The following ATP6V1C2 variants were observed in gnomAD, a reference collection of about 807,000 sequenced individuals.
ATP6V1C2 encodes V-type proton ATPase subunit C 2.
ATP6V1C2 carries 45 observed loss-of-function variants against 56.8 expected under a neutral mutation model. The ratio of observed to expected loss-of-function variants is 0.79; its 90% CI spans 0.62 to 1.02. The LOEUF is 1.02. Ranked by LOEUF, ATP6V1C2 falls within the 50% of genes least tolerant of loss-of-function variation. ATP6V1C2 has a pLI of 0.00. For synonymous variants in ATP6V1C2, 220 were observed against 201.3 expected (o/e 1.09, Z -0.79); for missense variants, 463 against 519.7 (o/e 0.89, Z 1.06).
At chr2:10,779,687 G>GA (rs555256673) in intron 12 of ATP6V1C2, among the ~76,000 whole-genome samples, 4,032 of 51,974 alleles carry the variant, frequency 0.078, 97 homozygotes, top group South Asian at 0.13. Context: ...TCCGGCTATA[G>GA]AAAAAAAAAA....
At chr2:10,761,361 G>A (rs572302171) in intron 4 of ATP6V1C2, among the ~76,000 whole-genome samples, 1 of 152,170 alleles carries the variant, frequency 6.6e-6, no homozygotes, top group African/African-American at 2.4e-5. Flanking sequence ...GCCTGTGCCT[G>A]TGCAATGGGG....
rs1665552165 is a variant in ATP6V1C2 at position 10,783,812 on chromosome 2, A to C, written c.*549A>C. The C allele has an allele frequency of 6.4e-6, 1 of 157,332 alleles. No individual in the cohort carries two copies. Among genetic ancestry groups the C allele is most frequent in the African/African-American group, 2.4e-5 (1 of 41,524 alleles). The allele number at this position is 157,332 out of a possible 1,614,324, so 9.7% of individuals were successfully genotyped here. A position where few individuals can be genotyped will look rare whatever the true frequency, so the allele number is the denominator to read the frequency against. ...CACTTCAAAATATTGATTTACTGCT[A>C]AACATCACTCTGAATTTATGATGTG... On this transcript the variant is annotated 3_prime_UTR_variant, in exon 14 of 14. Coordinates refer to ENST00000272238, the MANE Select transcript of ATP6V1C2 (RefSeq NM_001039362.2).
Position 10,777,606 on chromosome 2 carries a change from A to G in ATP6V1C2, c.847A>G (p.Lys283Glu), listed in dbSNP as rs386352282. ...TTAGCAAACTTCCTGTGTTGCTCTT[A>G]AAAAGGGATCATCCACCTTCCCGGA... ...QQYQTSCVAL[K>E]KGSSTFPDHK... Residue 283 changes from lysine to glutamate, a missense_variant, in exon 11 of 14, where the codon AAA becomes GAA. By Grantham distance (56) the Lys-to-Glu change is moderately conservative. Transcript: ENST00000272238. The G allele has an allele frequency of 1.9e-6, 3 of 1,613,504 alleles. No homozygotes were observed. The highest frequency in any genetic ancestry group is 4.5e-5 in the East Asian group (2 of 44,874).
chr2:10,779,980 G>A (rs368355588), intron 12 of ATP6V1C2, among the ~76,000 whole-genome samples: 4 of 152,100 alleles, frequency 2.6e-5, no homozygotes, highest in Non-Finnish European at 4.4e-5. Context: ...GCTCTGACTC[G>A]CGGCCTCCTG....
intron 12 of ATP6V1C2, 83 bp downstream of exon 12, chr2:10,778,752 C>A (rs536684044): frequency 2.5e-4 from 321 of 1,309,986 alleles, no homozygotes; most frequent in Non-Finnish European, 3.4e-4. Flanking sequence ...CCAGCTCCTG[C>A]CTTCTCTCCA....
chr2:10,734,701 GC>G (rs768755973), intron 3 of ATP6V1C2, among the ~76,000 whole-genome samples: 1 of 152,246 alleles, frequency 6.6e-6, no homozygotes, highest in South Asian at 2.1e-4. Flanking sequence ...GGGTCCATCT[GC>G]CCTGGGGGAC....
chr2:10,755,925 G>A (rs1162653191), intron 4 of ATP6V1C2, among the ~76,000 whole-genome samples: 1 of 152,222 alleles, frequency 6.6e-6, no homozygotes, highest in East Asian at 1.9e-4. Flanking sequence ...CATTAACTGT[G>A]TGCATACTAT....
chr2:10,784,286 A>T lies in ATP6V1C2; in HGVS notation c.*1023A>T. The T allele has an allele frequency of 6.2e-7, 1 of 1,613,454 alleles. No individual in the cohort carries two copies. The highest frequency in any genetic ancestry group is 1.1e-5 in the South Asian group (1 of 90,944). On this transcript the variant is annotated 3_prime_UTR_variant, in exon 14 of 14. Transcript: ENST00000272238. Reference sequence around the variant, plus strand: ...CAACTCATCTTTCCCTAAGTCATCAAGCTCCACATCACTGAGGTCAATGTC... The same window carrying T: ...CAACTCATCTTTCCCTAAGTCATCATGCTCCACATCACTGAGGTCAATGTC...
intron 3 of ATP6V1C2, among the ~76,000 whole-genome samples, chr2:10,729,034 G>A (rs2148411185): frequency 1.3e-5 from 2 of 151,438 alleles, no homozygotes; most frequent in African/African-American, 4.8e-5. Context: ...GGAGGCTGAG[G>A]CACAAGAATT....
chr2:10,776,184 G>A (rs1664960282), intron 10 of ATP6V1C2, among the ~76,000 whole-genome samples: 2 of 151,980 alleles, frequency 1.3e-5, no homozygotes, highest in Admixed American at 6.6e-5. Flanking sequence ...CCTTTAGGGA[G>A]GAAACAACAG....
rs779218596 is a variant in ATP6V1C2, at chr2:10,771,900, T to C, written c.532T>C (p.Ser178Pro). 2.5e-6 allele frequency: 4 copies of C among 1,614,130 alleles called. No individual in the cohort carries two copies. Among genetic ancestry groups the C allele is most frequent in the South Asian group, 1.1e-5 (1 of 91,076 alleles). ...GAGCAAAGAGGACTTCGTGCTGGAT[T>C]CTGAATATCTCGTCACACTTCTGGT... ...IVSKEDFVLD[S>P]EYLVTLLVIV... Residue 178 changes from serine (S) to proline (P), a missense_variant, in exon 7 of 14, where the codon TCT becomes CCT. By Grantham distance (74) the Ser-to-Pro change is moderately conservative (BLOSUM62 -1). Transcript: ENST00000272238.
rs922051501 is a variant in ATP6V1C2, at chr2:10,753,662, G to A, written c.198-319G>A. The stretch of plus-strand genomic sequence containing the variant: ...TTCTCCTGCCTCGGCCTCCCAAGTA[G>A]CTGGGACTACGGCGCCCACCACCAT... On this transcript the variant is annotated intron_variant, in intron 3 of 13. Transcript: ENST00000272238. Among the ~76,000 whole-genome samples the A allele has an allele frequency of 7.9e-5, 12 of 151,642 alleles. No individual in the cohort carries two copies. In the South Asian group the frequency reaches 2.5e-3, roughly 32 times the overall value.
intron 10 of ATP6V1C2, among the ~76,000 whole-genome samples, chr2:10,775,958 A>G (rs1664940292): frequency 6.6e-6 from 1 of 151,876 alleles, no homozygotes; most frequent in Admixed American, 6.6e-5. Context: ...CACTGTGAGG[A>G]CTCCCATGGG....
chr2:10,746,952 T>C (rs1662948715), intron 3 of ATP6V1C2, among the ~76,000 whole-genome samples: 1 of 152,202 alleles, frequency 6.6e-6, no homozygotes, highest in African/African-American at 2.4e-5. Context: ...ATTTCAAGTT[T>C]CCAGAAAATA....
intron 6 of ATP6V1C2, among the ~76,000 whole-genome samples, chr2:10,771,486 G>A (rs1168984517): frequency 1.3e-5 from 2 of 152,214 alleles, no homozygotes; most frequent in Non-Finnish European, 2.9e-5. Flanking sequence ...TTAGCTGCCT[G>A]CCACCCGAGG....
In ATP6V1C2 at chr2:10,729,648, T is replaced by G. The variant is rs186328631; in HGVS notation, c.197+3079T>G. On this transcript the variant is annotated intron_variant, in intron 3 of 13. Transcript: ENST00000272238. ...AGGCAGGAGGGACAGTTGAGCCCAA[T>G]AGTTTGAGAAGAGCCTGGGCAACAT... Among the ~76,000 whole-genome samples the G allele has an allele frequency of 8.0e-3, 1,223 of 152,210 alleles. 16 individuals carry two copies. The highest frequency in any genetic ancestry group is 0.029 in the African/African-American group (1,189 of 41,522).
In ATP6V1C2 at chr2:10,782,326, A is replaced by T; in HGVS notation, c.1145A>T (p.Asn382Ile). 1 of 1,614,050 alleles carries T rather than the reference A, an allele frequency of 6.2e-7. No homozygotes were observed. The highest frequency in any genetic ancestry group is 8.5e-7 in the Non-Finnish European group (1 of 1,180,002). Residue 382 changes from asparagine to isoleucine, a missense_variant, in exon 13 of 14, where the codon AAC (asparagine) becomes ATC (isoleucine). Transcript: ENST00000272238. ...SSTKRLREVL[N>I]SVFRHLDEVA... ...ACCAAGCGTTTAAGAGAGGTTCTAA[A>T]CTCTGTCTTCCGACATCTGGATGAA... is the stretch of plus-strand genomic sequence containing the variant.
At chr2:10,747,544 G>T (rs1662988491) in intron 3 of ATP6V1C2, among the ~76,000 whole-genome samples, 1 of 152,060 alleles carries the variant, frequency 6.6e-6, no homozygotes, top group African/African-American at 2.4e-5. Context: ...ATTTCACTTG[G>T]ATATCACCGC....
intron 3 of ATP6V1C2, among the ~76,000 whole-genome samples, chr2:10,735,098 A>G (rs11679916): frequency 6.6e-6 from 1 of 152,028 alleles, no homozygotes; most frequent in Non-Finnish European, 1.5e-5. Context: ...AAAAGAAAAA[A>G]ATATATATTT....
Sources: gnomAD v4.1 joint callset for allele counts (sites outside exome capture counted in the v4.1 genomes callset) on GRCh38, gnomAD v4.1.1 for gene constraint, MANE v1.5 for transcripts, NCBI Gene and HGNC (gene_info 2026-07-23, HGNC 2026-07-21) for gene names.